ROS1: variants seen among roughly 807,000 people sequenced by gnomAD.
ROS1 encodes the protein ROS proto-oncogene 1, receptor tyrosine kinase.
Under a neutral mutation model 273.5 loss-of-function variants are expected in ROS1, and 263 were observed. The observed-to-expected ratio is 0.96, with a 90% CI of 0.87 to 1.06. The LOEUF is 1.06. Ranked by LOEUF, ROS1 falls within the 50% of genes least tolerant of loss-of-function variation. The pLI is 0.00. For missense variants in ROS1, 2,833 were observed against 2,751.1 expected, an observed-to-expected ratio of 1.03 and a Z score of -0.67; for synonymous variants, 1,008 against 954.1, an observed-to-expected ratio of 1.06 and a Z score of -1.04.
chr6:117,394,251 G>T lies in ROS1; in HGVS notation c.1102C>A (p.Leu368Met), dbSNP rs1175443727. 6.2e-7 allele frequency: 1 copy of T among 1,609,982 alleles called. No homozygotes were observed. Among genetic ancestry groups the T allele is most frequent in the South Asian group, 1.1e-5 (1 of 90,462 alleles). ...KAANMSDVSD[L>M]RIFYRGSGLI... The stretch of plus-strand genomic sequence containing the variant: ...CCTGAACCTCTGTAAAAAATTCTCA[G>T]GTCAGATACATCAGACATGTTGGCA... The change falls in exon 11 of 44, where the codon CTG (leucine) becomes ATG (methionine). Residue 368 changes from leucine to methionine, a missense_variant. Coordinates refer to ENST00000368507, the MANE Select transcript of ROS1 (RefSeq NM_001378902.1).
intron 16 of ROS1, 132 bp from the exon 17 acceptor site, chr6:117,383,640 A>G (rs988273351): frequency 1.3e-6 from 1 of 747,222 alleles, no homozygotes; most frequent in African/African-American, 1.7e-5. Context: ...GATTGGCACT[A>G]TGTGCTGGGT....
intron 36 of ROS1, among the ~76,000 whole-genome samples, chr6:117,320,449 C>T (rs892855708): frequency 3.9e-5 from 6 of 151,994 alleles, no homozygotes; most frequent in Admixed American, 1.3e-4. Flanking sequence ...TGACATCTTA[C>T]GTAAAACAAA....
intron 2 of ROS1, among the ~76,000 whole-genome samples, chr6:117,417,960 C>T (rs1775458165): frequency 6.6e-6 from 1 of 152,200 alleles, no homozygotes; most frequent in African/African-American, 2.4e-5. Flanking sequence ...ATGTCTGTCT[C>T]TCTGGTTTTA....
At chr6:117,393,873 G>C (rs1773275368) in intron 11 of ROS1, among the ~76,000 whole-genome samples, 1 of 152,062 alleles carries the variant, frequency 6.6e-6, no homozygotes. Context: ...CTAACAATAA[G>C]ACAGGTACCA....
At chr6:117,420,915 C>T (rs1321815) in intron 1 of ROS1, among the ~76,000 whole-genome samples, 93,742 of 151,234 alleles carry the variant, frequency 0.62, 31,134 homozygotes, top group African/African-American at 0.87. Flanking sequence ...AAATTTGATG[C>T]ATAAATTAGA....
At chr6:117,393,130 A>T in intron 12 of ROS1, 94 bp downstream of exon 12, 3 of 793,582 alleles carry the variant, frequency 3.8e-6, no homozygotes, top group Non-Finnish European at 6.6e-6. Flanking sequence ...AGATAGGCTC[A>T]TCTGGTACTA....
In ROS1 at chr6:117,383,557, T is replaced by G. The variant is rs956028178; in HGVS notation, c.2290-49A>C. 8 of 1,329,888 alleles carry G rather than the reference T, an allele frequency of 6.0e-6. No homozygotes were observed. The African/African-American group carries it at 1.2e-4, about 19-fold the overall frequency. The allele number at this position is 1,329,888 out of a possible 1,614,324, so 82.4% of individuals were successfully genotyped here. On this transcript the variant is annotated intron_variant, in intron 16 of 43. Transcript: ENST00000368507. ...AGTTAATGGCTTTCAAGTGACATTA[T>G]TATTTCTGAATATTTATTGCAATCA...
At chr6:117,420,283 G>A (rs12332810) in intron 1 of ROS1, among the ~76,000 whole-genome samples, 7 of 151,422 alleles carry the variant, frequency 4.6e-5, no homozygotes, top group East Asian at 2.0e-4. Flanking sequence ...CTCCAACTAC[G>A]CCAATTATCT....
Position 117,344,062 on chromosome 6 carries a change from G to A in ROS1, c.4504C>T (p.Leu1502=), listed in dbSNP as rs776985769. ...KNSSDLKYRI[L]EFQDSIALIE... The stretch of plus-strand genomic sequence containing the variant: ...AAGACCACTAGTTCCAATCTTACCA[G>A]AATTCTATATTTCAAGTCAGAGCTG... Residue 1502 remains leucine (L), a splice_region_variant and synonymous_variant, in exon 28 of 44, where the codon CTG becomes TTG. Coordinates refer to ENST00000368507, the MANE Select transcript of ROS1 (RefSeq NM_001378902.1). The A allele has an allele frequency of 1.2e-5, 19 of 1,609,786 alleles. No individual in the cohort carries two copies. Among genetic ancestry groups the A allele is most frequent in the Non-Finnish European group, 1.6e-5 (19 of 1,176,254 alleles).
chr6:117,417,783 G>A (rs1165336663), intron 2 of ROS1, among the ~76,000 whole-genome samples: 2 of 152,126 alleles, frequency 1.3e-5, no homozygotes. Context: ...TGATCGATAG[G>A]CTTTTTCCCC....
At position 117,386,929 on chromosome 6, in the gene ROS1, G is replaced by GT; in HGVS notation, c.2069_2070insA (p.Gly692ArgfsTer7). On this transcript the variant is annotated frameshift_variant, in exon 15 of 44. Coordinates refer to ENST00000368507, the MANE Select transcript of ROS1 (RefSeq NM_001378902.1). LOFTEE classifies it high-confidence loss of function. ...TATCAGAGGATAAGAACTCTCCTGG[G>GT]CCAAAGCTATTTAATGGTTTACTCC... 6.2e-7 allele frequency: 1 copy of GT among 1,612,146 alleles called. No individual in the cohort carries two copies. Among genetic ancestry groups the GT allele is most frequent in the South Asian group, 1.1e-5 (1 of 90,966 alleles).
In ROS1 at chr6:117,407,394, G is replaced by A. The variant is rs142527587; in HGVS notation, c.316+2188C>T. Among the ~76,000 whole-genome samples the A allele has an allele frequency of 6.2e-3, 951 of 152,258 alleles. 3 individuals carry two copies. The highest frequency in any genetic ancestry group is 9.9e-3 in the Non-Finnish European group (673 of 68,022). ...ACTACTAGAGAGTTAACACACTAAG[G>A]CAAAGCTACTTTGACATGCCCAACC... On this transcript the variant is annotated intron_variant, in intron 5 of 43. Coordinates refer to ENST00000368507, the MANE Select transcript of ROS1 (RefSeq NM_001378902.1).
intron 32 of ROS1, among the ~76,000 whole-genome samples, chr6:117,330,583 T>G (rs1488268769): frequency 1.3e-5 from 2 of 152,182 alleles, no homozygotes; most frequent in African/African-American, 2.4e-5. Flanking sequence ...ATCAGGTTGG[T>G]GCCCCTTGAA....
chr6:117,303,639 G>A (rs948703156), intron 42 of ROS1, among the ~76,000 whole-genome samples: 1 of 152,198 alleles, frequency 6.6e-6, no homozygotes, highest in Non-Finnish European at 1.5e-5. Flanking sequence ...CAGGCAAGGA[G>A]TTGGATTTTA....
intron 18 of ROS1, among the ~76,000 whole-genome samples, chr6:117,377,267 C>T (rs1047909419): frequency 2.0e-5 from 3 of 152,094 alleles, no homozygotes; most frequent in South Asian, 2.1e-4. Flanking sequence ...CCCATCACCA[C>T]GCTCAGCTAG....
intron 22 of ROS1, among the ~76,000 whole-genome samples, chr6:117,361,372 CAT>C (rs1448837811): frequency 6.6e-6 from 1 of 150,464 alleles, no homozygotes; most frequent in Non-Finnish European, 1.5e-5. Context: ...TAGTATTAAA[CAT>C]ATTTTACTGT....
chr6:117,293,491 G>C (rs1454436719), intron 43 of ROS1, among the ~76,000 whole-genome samples: 1 of 152,084 alleles, frequency 6.6e-6, no homozygotes, highest in Non-Finnish European at 1.5e-5. Context: ...CAAATTGTTA[G>C]CTCTGGCTAG....
Position 117,363,522 on chromosome 6 carries a change from T to C in ROS1, c.3104-657A>G, listed in dbSNP as rs1779970594. ...GGATGGCCCTCTCCTCTCTTAGGAC[T>C]CCTCCACAAGGTCTTCATTCCCTCC... On this transcript the variant is annotated intron_variant, in intron 21 of 43. Coordinates refer to ENST00000368507, the MANE Select transcript of ROS1 (RefSeq NM_001378902.1). Among the ~76,000 whole-genome samples, 6 of 152,286 alleles carry C rather than the reference T, an allele frequency of 3.9e-5. No homozygotes were observed. In the South Asian group the frequency reaches 1.2e-3, roughly 32 times the overall value.
At chr6:117,389,880 C>A in intron 12 of ROS1, 34 bp from the exon 13 acceptor site, 1 of 1,577,094 alleles carries the variant, frequency 6.3e-7, no homozygotes, top group South Asian at 1.2e-5. Context: ...TCATGAGATT[C>A]AGTCCAAAGG....
Sources: allele counts gnomAD v4.1 joint callset (sites outside exome capture counted in the v4.1 genomes callset), GRCh38; gene constraint gnomAD v4.1.1; transcripts MANE v1.5; gene names NCBI Gene and HGNC (gene_info 2026-07-23, HGNC 2026-07-21).